SCARA5: variants seen among roughly 807,000 people sequenced by gnomAD.
SCARA5 encodes the protein scavenger receptor class A member 5.
Under a neutral mutation model 46.3 loss-of-function variants are expected in SCARA5, and 45 were observed. The observed-to-expected ratio is 0.97, with a 90% CI of 0.76 to 1.24. The LOEUF is 1.24. Among genes scored for constraint, SCARA5 ranks in the 50% most tolerant of loss-of-function variants. SCARA5 has a pLI of 0.00. For missense variants in SCARA5, 680 were observed against 689.0 expected (o/e 0.99, Z 0.15); for synonymous variants, 333 against 306.5 (o/e 1.09, Z -0.90).
At chr8:27,971,859 G>A (rs534280957) in intron 2 of SCARA5, among the ~76,000 whole-genome samples, 1 of 152,202 alleles carries the variant, frequency 6.6e-6, no homozygotes, top group African/African-American at 2.4e-5. Context: ...TCCTCTGTAG[G>A]CATCCTCCCC....
chr8:27,886,371 C>A (rs1806895270), intron 7 of SCARA5, among the ~76,000 whole-genome samples: 2 of 152,254 alleles, frequency 1.3e-5, no homozygotes. Context: ...TGTAGCTCCA[C>A]TTCACAGAGC....
chr8:27,928,058 G>C (rs1010289), intron 3 of SCARA5, among the ~76,000 whole-genome samples: 52,698 of 152,066 alleles, frequency 0.35, 9,255 homozygotes, highest in African/African-American at 0.37. Context: ...ATCAACTTGC[G>C]TAGGGCAGCC....
rs369402365 is a variant in SCARA5 at position 27,961,929 on chromosome 8, A to G, written c.241+4485T>C. Among the ~76,000 whole-genome samples the G allele has an allele frequency of 2.0e-5, 3 of 152,310 alleles. No individual in the cohort carries two copies. The East Asian group carries it at 5.8e-4, about 29-fold the overall frequency. On this transcript the variant is annotated intron_variant, in intron 3 of 8. Transcript: ENST00000354914. ...CCTTGTCTCTGTCATTCATTCACAT[A>G]TTAAAAACATCATGCATTTGAAGAA...
At chr8:27,957,904 A>G (rs1324444686) in intron 3 of SCARA5, among the ~76,000 whole-genome samples, 1 of 152,246 alleles carries the variant, frequency 6.6e-6, no homozygotes, top group Non-Finnish European at 1.5e-5. Flanking sequence ...GTGAAGGGCC[A>G]GGTAGTAAAT....
intron 3 of SCARA5, among the ~76,000 whole-genome samples, chr8:27,948,393 T>C (rs915601787): frequency 4.6e-5 from 7 of 152,218 alleles, no homozygotes; most frequent in African/African-American, 1.7e-4. Flanking sequence ...CTTTCACAAC[T>C]GAAGTCTCAG....
At chr8:27,984,003 CCGTCTTCAT>C (rs1055494436) in intron 2 of SCARA5, among the ~76,000 whole-genome samples, 1 of 152,176 alleles carries the variant, frequency 6.6e-6, no homozygotes, top group Non-Finnish European at 1.5e-5. Context: ...TCACACTTCA[CCGTCTTCAT>C]TTACTAAATA....
chr8:27,946,229 C>T (rs1368131375), intron 3 of SCARA5, among the ~76,000 whole-genome samples: 1 of 152,166 alleles, frequency 6.6e-6, no homozygotes, highest in Non-Finnish European at 1.5e-5. Flanking sequence ...ATGAAGTCTG[C>T]CATGTAACAA....
At chr8:27,887,839 C>A (rs78622059) in intron 7 of SCARA5, among the ~76,000 whole-genome samples, 1,577 of 152,220 alleles carry the variant, frequency 0.01, 35 homozygotes, top group African/African-American at 0.036. Flanking sequence ...AAATGAGCAA[C>A]TTGGTAAGAA....
chr8:27,900,861 T>A (rs1187963468), intron 7 of SCARA5, among the ~76,000 whole-genome samples: 1 of 151,072 alleles, frequency 6.6e-6, no homozygotes, highest in East Asian at 1.9e-4. Context: ...ATATTGCCCT[T>A]GACTGAAAAA....
At chr8:27,909,451 C>T (rs776546459) in intron 5 of SCARA5, among the ~76,000 whole-genome samples, 1 of 152,186 alleles carries the variant, frequency 6.6e-6, no homozygotes, top group Non-Finnish European at 1.5e-5. Flanking sequence ...TGTACCTTTT[C>T]CTTCAGACTG....
chr8:27,983,235 G>C (rs1362777155), intron 2 of SCARA5, among the ~76,000 whole-genome samples: 1 of 152,224 alleles, frequency 6.6e-6, no homozygotes, highest in African/African-American at 2.4e-5. Flanking sequence ...TCTTGTCCCT[G>C]TTTCTCAGGT....
Position 27,921,912 on chromosome 8 carries a change from C to T in SCARA5, c.575G>A (p.Ser192Asn). The stretch of plus-strand genomic sequence containing the variant: ...CCTCAGCAGCAGCTGGCTACTGTTG[C>T]TCTCCACCTGCAGCTGGTAGAGCTC... ...QLELYQLQVE[S>N]NSSQLLLRRH... The change falls in exon 4 of 9, where the codon AGC (serine) becomes AAC (asparagine). Residue 192 changes from serine to asparagine, a missense_variant. Ser to Asn is a conservative substitution (Grantham distance 46). Transcript: ENST00000354914. 6.5e-7 allele frequency: 1 copy of T among 1,526,906 alleles called. No homozygotes were observed. The highest frequency in any genetic ancestry group is 8.7e-7 in the Non-Finnish European group (1 of 1,145,046). The allele number at this position is 1,526,906 out of a possible 1,614,324, so 94.6% of individuals were successfully genotyped here. A position where few individuals can be genotyped will look rare whatever the true frequency, so the allele number is the denominator to read the frequency against.
chr8:27,964,167 C>T (rs1359687042), intron 3 of SCARA5, among the ~76,000 whole-genome samples: 7 of 152,190 alleles, frequency 4.6e-5, no homozygotes, highest in African/African-American at 1.4e-4. Flanking sequence ...CCTTAAAGAA[C>T]CTCAGACTTG....
At chr8:27,877,226 C>T (rs1167946432) in intron 8 of SCARA5, among the ~76,000 whole-genome samples, 3 of 152,172 alleles carry the variant, frequency 2.0e-5, no homozygotes, top group Admixed American at 2.0e-4. Flanking sequence ...CTGTATACTG[C>T]TAGTGACACC....
At chr8:27,991,246 C>A (rs981399263) in intron 1 of SCARA5, among the ~76,000 whole-genome samples, 1 of 152,188 alleles carries the variant, frequency 6.6e-6, no homozygotes, top group Non-Finnish European at 1.5e-5. Context: ...TGTGAGCCTC[C>A]CGTGAGATAA....
intron 2 of SCARA5, among the ~76,000 whole-genome samples, chr8:27,967,421 C>G (rs562266361): frequency 6.6e-6 from 1 of 152,170 alleles, no homozygotes; most frequent in South Asian, 2.1e-4. Flanking sequence ...CATGAAGAGG[C>G]TTACTGATCT....
chr8:27,956,460 T>C (rs1009539560), intron 3 of SCARA5, among the ~76,000 whole-genome samples: 1 of 152,248 alleles, frequency 6.6e-6, no homozygotes, highest in African/African-American at 2.4e-5. Context: ...AAATGTTTAT[T>C]GAGGCCCTAG....
chr8:27,947,320 A>G (rs1355706423), intron 3 of SCARA5, among the ~76,000 whole-genome samples: 1 of 152,132 alleles, frequency 6.6e-6, no homozygotes, highest in African/African-American at 2.4e-5. Flanking sequence ...CCTCTGTTGG[A>G]CTTCCAAGGG....
rs572093583 is a variant in SCARA5, at chr8:27,887,272, A to G, written c.1154-7506T>C. ...CAAATGAGGATCAGCAACCCGGAAG[A>G]AAACCCTGCCCCATACCACTCCCGT... is the stretch of plus-strand genomic sequence containing the variant. On this transcript the variant is annotated intron_variant, in intron 7 of 8. Coordinates refer to ENST00000354914, the MANE Select transcript of SCARA5 (RefSeq NM_173833.6). Among the ~76,000 whole-genome samples, 4 of 152,310 alleles carry G rather than the reference A, an allele frequency of 2.6e-5. No individual in the cohort carries two copies. The South Asian group carries it at 8.3e-4, about 32-fold the overall frequency.
Sources: allele counts gnomAD v4.1 joint callset (sites outside exome capture counted in the v4.1 genomes callset), GRCh38; gene constraint gnomAD v4.1.1; transcripts MANE v1.5; gene names NCBI Gene and HGNC (gene_info 2026-07-23, HGNC 2026-07-21).